Variants in SMYD3 observed in about 807,000 individuals in gnomAD.
SMYD3 encodes the protein histone-lysine N-methyltransferase SMYD3.
Under a neutral mutation model 57.7 loss-of-function variants are expected in SMYD3, and 36 were observed. That is an observed-to-expected ratio of 0.62 (90% CI 0.48 to 0.82). SMYD3 has a LOEUF of 0.82. Among genes scored for constraint, SMYD3 ranks in the 40% least tolerant of loss-of-function variants. The pLI, the probability that SMYD3 is intolerant of heterozygous loss-of-function variation, is 0.00. For synonymous variants in SMYD3, 211 were observed against 195.0 expected, an observed-to-expected ratio of 1.08 and a Z score of -0.68; for missense variants, 515 against 538.8, an observed-to-expected ratio of 0.96 and a Z score of 0.44.
At position 245,976,927 on chromosome 1, in the gene SMYD3, CTAGCCTAGGGAAAGCCAT is replaced by C. The variant is rs1558550865; in HGVS notation, c.532-47008_532-46991del. Among the ~76,000 whole-genome samples, 63 of 56,290 alleles carry C rather than the reference CTAGCCTAGGGAAAGCCAT, an allele frequency of 1.1e-3. 3 individuals carry two copies. The highest frequency in any genetic ancestry group is 0.012 in the Middle Eastern group (1 of 84). The allele number at this position is 56,290 out of a possible 152,430, so 36.9% of individuals were successfully genotyped here. A position where few individuals can be genotyped will look rare whatever the true frequency, so the allele number is the denominator to read the frequency against. The stretch of plus-strand genomic sequence containing the variant: ...TCTAGCCTAGGGAAAGCCATCGTCT[CTAGCCTAGGGAAAGCCAT>C]CGTCTCTAGCCTAGGGAAAGCCATC... On this transcript the variant is annotated intron_variant, in intron 5 of 11. Coordinates refer to ENST00000490107, the MANE Select transcript of SMYD3 (RefSeq NM_001167740.2).
intron 5 of SMYD3, among the ~76,000 whole-genome samples, chr1:246,162,183 T>G (rs2062134053): frequency 6.6e-6 from 1 of 152,196 alleles, no homozygotes; most frequent in Non-Finnish European, 1.5e-5. Context: ...TATCCCGCAA[T>G]GACCACTAAT....
At chr1:246,170,493 TTTTAA>T (rs1414558488) in intron 5 of SMYD3, among the ~76,000 whole-genome samples, 4 of 152,128 alleles carry the variant, frequency 2.6e-5, no homozygotes, top group East Asian at 3.9e-4. Flanking sequence ...TTTTTCTTAA[TTTTAA>T]TTTTTCTTTT....
chr1:245,856,939 C>T (rs901582116), intron 10 of SMYD3, among the ~76,000 whole-genome samples: 27 of 152,300 alleles, frequency 1.8e-4, no homozygotes, highest in African/African-American at 5.8e-4. Flanking sequence ...AGAGAGGTAA[C>T]GCCAACCATC....
chr1:245,980,272 C>T (rs1327464888), intron 5 of SMYD3, among the ~76,000 whole-genome samples: 1 of 152,178 alleles, frequency 6.6e-6, no homozygotes, highest in Non-Finnish European at 1.5e-5. Flanking sequence ...GTCACTTTTG[C>T]TCTCCTTGCA....
At chr1:245,909,631 A>C (rs2054825169) in intron 8 of SMYD3, among the ~76,000 whole-genome samples, 1 of 152,126 alleles carries the variant, frequency 6.6e-6, no homozygotes, top group South Asian at 2.1e-4. Flanking sequence ...AAGTGGGTTC[A>C]TCTCAGGGAT....
intron 10 of SMYD3, among the ~76,000 whole-genome samples, chr1:245,839,818 C>T (rs1430220849): frequency 6.6e-6 from 1 of 151,738 alleles, no homozygotes; most frequent in East Asian, 1.9e-4. Flanking sequence ...ATGAAGAACA[C>T]TCAGTTCATT....
chr1:245,861,333 A>C (rs2051534505), intron 9 of SMYD3, among the ~76,000 whole-genome samples: 1 of 152,202 alleles, frequency 6.6e-6, no homozygotes, highest in Non-Finnish European at 1.5e-5. Flanking sequence ...ACAGATTCCT[A>C]GTGGACAGAA....
intron 5 of SMYD3, among the ~76,000 whole-genome samples, chr1:245,982,771 C>T (rs1442887226): frequency 6.6e-6 from 1 of 152,196 alleles, no homozygotes; most frequent in Non-Finnish European, 1.5e-5. Flanking sequence ...CAAGAATTGA[C>T]TCACTGGGTT....
chr1:246,315,659 T>A (rs1361584509), intron 5 of SMYD3, among the ~76,000 whole-genome samples: 2 of 146,238 alleles, frequency 1.4e-5, no homozygotes, highest in Admixed American at 1.4e-4. Context: ...CTCTTCTAGA[T>A]AATAAAACAG....
chr1:245,962,973 G>T (rs1006523903), intron 5 of SMYD3, among the ~76,000 whole-genome samples: 3 of 152,068 alleles, frequency 2.0e-5, no homozygotes, highest in African/African-American at 7.2e-5. Flanking sequence ...CTGGATTGCC[G>T]TGCAGTTACT....
At chr1:246,407,344 T>C (rs2066883375) in intron 1 of SMYD3, among the ~76,000 whole-genome samples, 1 of 152,210 alleles carries the variant, frequency 6.6e-6, no homozygotes, top group Non-Finnish European at 1.5e-5. Flanking sequence ...CAGGAGTTGT[T>C]CATCATCTGA....
chr1:245,999,774 C>T (rs2059003253), intron 5 of SMYD3, among the ~76,000 whole-genome samples: 1 of 152,132 alleles, frequency 6.6e-6, no homozygotes, highest in African/African-American at 2.4e-5. Flanking sequence ...TACTACTGAT[C>T]TTTTAGGCTC....
At position 245,787,381 on chromosome 1, in the gene SMYD3, A is replaced by G. The variant is rs578046210; in HGVS notation, c.1077-23232T>C. On this transcript the variant is annotated intron_variant, in intron 10 of 11. Coordinates refer to ENST00000490107, the MANE Select transcript of SMYD3 (RefSeq NM_001167740.2). ...GCAGTCTCTTCCATAACCAATCATC[A>G]GACCTAGCGCTGGACCAGTTCACAT... Among the ~76,000 whole-genome samples, 7 of 152,290 alleles carry G rather than the reference A, an allele frequency of 4.6e-5. No homozygotes were observed. The South Asian group carries it at 1.2e-3, about 27-fold the overall frequency.
intron 8 of SMYD3, among the ~76,000 whole-genome samples, chr1:245,881,375 C>G (rs1350869786): frequency 6.6e-6 from 1 of 152,178 alleles, no homozygotes; most frequent in Non-Finnish European, 1.5e-5. Flanking sequence ...GTAGGCCATA[C>G]TCAGTATTAC....
intron 5 of SMYD3, among the ~76,000 whole-genome samples, chr1:245,954,608 G>A (rs1192673112): frequency 6.6e-6 from 1 of 151,480 alleles, no homozygotes; most frequent in Non-Finnish European, 1.5e-5. Context: ...CCCCCAGGAA[G>A]CAGGGGTTGC....
At chr1:245,785,292 T>TA (rs1357483867) in intron 10 of SMYD3, among the ~76,000 whole-genome samples, 12 of 152,090 alleles carry the variant, frequency 7.9e-5, no homozygotes, top group South Asian at 2.1e-4. Context: ...ATGGTTACAG[T>TA]AAAAAAATAC....
At chr1:245,915,783 G>A in intron 7 of SMYD3, 143 bp from the exon 8 acceptor site, 1 of 532,920 alleles carries the variant, frequency 1.9e-6, no homozygotes, top group Admixed American at 3.3e-5. Flanking sequence ...ACTGCTTATA[G>A]TTTCTCTACC....
intron 5 of SMYD3, among the ~76,000 whole-genome samples, chr1:245,995,241 G>A (rs1406192769): frequency 6.6e-6 from 1 of 152,210 alleles, no homozygotes; most frequent in Non-Finnish European, 1.5e-5. Context: ...GGCTTCATAA[G>A]CCTCAGGACA....
At chr1:246,375,325 CTTTTTTTTTTTTTTTT>C (rs60882470) in intron 1 of SMYD3, among the ~76,000 whole-genome samples, 2 of 62,246 alleles carry the variant, frequency 3.2e-5, no homozygotes, top group East Asian at 5.9e-4. Context: ...TAATGAGAGA[CTTTTTTTTTTTTTTTT>C]TTTTTTTTTT....
Sources: allele counts gnomAD v4.1 joint callset (sites outside exome capture counted in the v4.1 genomes callset), GRCh38; gene constraint gnomAD v4.1.1; transcripts MANE v1.5; gene names NCBI Gene and HGNC (gene_info 2026-07-23, HGNC 2026-07-21).